Variants in AKIRIN2 observed in about 807,000 individuals in gnomAD.
AKIRIN2 encodes the protein akirin-2.
AKIRIN2 carries 6 observed loss-of-function variants against 29.3 expected under a neutral mutation model. The ratio of observed to expected loss-of-function variants is 0.20; its 90% CI spans 0.11 to 0.40. The LOEUF (loss-of-function observed/expected upper bound fraction) is 0.40. AKIRIN2 is among the 10% of genes least tolerant of loss of function. AKIRIN2 has a pLI of 1.00. For synonymous variants in AKIRIN2, 128 were observed against 117.5 expected (o/e 1.09, Z -0.58); for missense variants, 210 against 276.1 (o/e 0.76, Z 1.70).
At chr6:87,698,322 G>A (rs1379946671) in intron 1 of AKIRIN2, among the ~76,000 whole-genome samples, 3 of 149,992 alleles carry the variant, frequency 2.0e-5, no homozygotes, top group African/African-American at 7.4e-5. Flanking sequence ...GCAATATACT[G>A]TGTGTGACAA....
intron 1 of AKIRIN2, among the ~76,000 whole-genome samples, chr6:87,688,572 C>T (rs1771228385): frequency 6.6e-6 from 1 of 152,042 alleles, no homozygotes; most frequent in Admixed American, 6.6e-5. Context: ...ATGGAGAAAC[C>T]CCATCTCTAC....
chr6:87,677,985 A>G lies in AKIRIN2; in HGVS notation c.380-18T>C, dbSNP rs56230417. The G allele has an allele frequency of 6.9e-6, 11 of 1,600,414 alleles. No homozygotes were observed. The African/African-American group carries it at 1.1e-4, about 16-fold the overall frequency. ...TGAAGTCCCTATGTACAATGAGGAC[A>G]AAAAATAGCACCTGGTTTAGAGCCA... On this transcript the variant is annotated intron_variant, in intron 2 of 4. Transcript: ENST00000257787.
At chr6:87,699,438 ATAT>A (rs1771422883) in intron 1 of AKIRIN2, among the ~76,000 whole-genome samples, 1 of 23,800 alleles carries the variant, frequency 4.2e-5, no homozygotes, top group South Asian at 1.2e-3. Context: ...TTTTGCGATA[ATAT>A]TCAAATTAGT....
At chr6:87,676,584 G>A (rs1469708619) in intron 3 of AKIRIN2, among the ~76,000 whole-genome samples, 5 of 117,610 alleles carry the variant, frequency 4.3e-5, no homozygotes, top group South Asian at 2.6e-4. Flanking sequence ...GTGAAACCCC[G>A]TCTCTACTAA....
At chr6:87,692,237 A>T (rs972132642) in intron 1 of AKIRIN2, among the ~76,000 whole-genome samples, 2 of 152,216 alleles carry the variant, frequency 1.3e-5, no homozygotes, top group Non-Finnish European at 2.9e-5. Context: ...TGGTGAGTAA[A>T]AGTCCCATTT....
chr6:87,702,015 G>A lies in AKIRIN2; in HGVS notation c.-331C>T, dbSNP rs1349289149. ...CCGGCCGCCCCCGCCGTCCGCTCGAGCTTTGCGCCGCGCCTGAGGCGCTTC... is the reference window on the plus strand; with the variant it reads ...CCGGCCGCCCCCGCCGTCCGCTCGAACTTTGCGCCGCGCCTGAGGCGCTTC... On this transcript the variant is annotated 5_prime_UTR_variant, in exon 1 of 5. Coordinates refer to ENST00000257787, the MANE Select transcript of AKIRIN2 (RefSeq NM_018064.4). 2.5e-6 allele frequency: 1 copy of A among 404,274 alleles called. No homozygotes were observed. The highest frequency in any genetic ancestry group is 3.6e-5 in the East Asian group (1 of 28,066). 25.0% of individuals were successfully genotyped at this position (404,274 alleles called of 1,614,324 possible).
intron 1 of AKIRIN2, among the ~76,000 whole-genome samples, chr6:87,695,428 G>T (rs1263256381): frequency 6.6e-6 from 1 of 152,146 alleles, no homozygotes; most frequent in Non-Finnish European, 1.5e-5. Context: ...TAAGAACCTT[G>T]GGAAATGTCA....
chr6:87,684,477 A>G (rs1460958755), intron 1 of AKIRIN2, among the ~76,000 whole-genome samples: 3 of 152,178 alleles, frequency 2.0e-5, no homozygotes, highest in Non-Finnish European at 4.4e-5. Context: ...ACTATGATAA[A>G]TAACTTTTTA....
At position 87,683,164 on chromosome 6, in the gene AKIRIN2, A is replaced by T. The variant is rs116702356; in HGVS notation, c.236-1401T>A. Among the ~76,000 whole-genome samples the T allele has an allele frequency of 9.2e-3, 1,403 of 152,302 alleles. 21 individuals carry two copies. The highest frequency in any genetic ancestry group is 0.031 in the African/African-American group (1,308 of 41,566). ...TTTAAACTGAAAAAAAAGTGGCAAG[A>T]CATATCCAGTTAAAGATACCATTTA... On this transcript the variant is annotated intron_variant, in intron 1 of 4. Coordinates refer to ENST00000257787, the MANE Select transcript of AKIRIN2 (RefSeq NM_018064.4).
Position 87,702,100 on chromosome 6 carries a change from A to C in AKIRIN2, c.-416T>G, listed in dbSNP as rs1466641054. 2.5e-6 allele frequency: 1 copy of C among 399,052 alleles called. No individual in the cohort carries two copies. The highest frequency in any genetic ancestry group is 4.4e-6 in the Non-Finnish European group (1 of 226,246). The allele number at this position is 399,052 out of a possible 1,614,324, so 24.7% of individuals were successfully genotyped here. A position where few individuals can be genotyped will look rare whatever the true frequency, so the allele number is the denominator to read the frequency against. On this transcript the variant is annotated 5_prime_UTR_variant, in exon 1 of 5. Coordinates refer to ENST00000257787, the MANE Select transcript of AKIRIN2 (RefSeq NM_018064.4). ...CAGCACCGTGGGGTGTGAGGCTGGA[A>C]CGCGGCTCCTAATACGCCCGAGTAC...
intron 2 of AKIRIN2, among the ~76,000 whole-genome samples, chr6:87,678,390 T>C (rs952471380): frequency 2.0e-5 from 3 of 151,970 alleles, no homozygotes; most frequent in African/African-American, 7.2e-5. Context: ...TAATCCCAGC[T>C]ACTCGGGAGG....
intron 1 of AKIRIN2, among the ~76,000 whole-genome samples, chr6:87,683,471 G>A (rs1771146297): frequency 6.6e-6 from 1 of 152,076 alleles, no homozygotes; most frequent in African/African-American, 2.4e-5. Flanking sequence ...TAAATTATCA[G>A]TGTTGGCATG....
At chr6:87,680,005 A>T (rs72924341) in intron 2 of AKIRIN2, among the ~76,000 whole-genome samples, 25,359 of 152,156 alleles carry the variant, frequency 0.17, 2,207 homozygotes, top group African/African-American at 0.22. Context: ...CCACAATAAC[A>T]AAGCCCACCA....
intron 1 of AKIRIN2, among the ~76,000 whole-genome samples, chr6:87,696,841 T>A (rs139125962): frequency 0.033 from 4,740 of 143,682 alleles, 248 homozygotes; most frequent in African/African-American, 0.12. Flanking sequence ...CCCCATCTCT[T>A]CTAAAAATAC....
chr6:87,687,719 T>C (rs1311885530), intron 1 of AKIRIN2, among the ~76,000 whole-genome samples: 1 of 152,214 alleles, frequency 6.6e-6, no homozygotes, highest in East Asian at 1.9e-4. Flanking sequence ...ACTCTGCAGG[T>C]AAATGTAAGT....
intron 1 of AKIRIN2, among the ~76,000 whole-genome samples, chr6:87,692,163 A>G (rs1174477125): frequency 6.6e-6 from 1 of 152,170 alleles, no homozygotes; most frequent in African/African-American, 2.4e-5. Flanking sequence ...AACAATGAAA[A>G]AACTGTGATT....
chr6:87,689,493 A>C (rs1411842676), intron 1 of AKIRIN2, among the ~76,000 whole-genome samples: 1 of 152,134 alleles, frequency 6.6e-6, no homozygotes, highest in Admixed American at 6.5e-5. Flanking sequence ...AAAAAAGCAT[A>C]CCTGGAACCA....
chr6:87,693,786 G>A (rs1278889049), intron 1 of AKIRIN2, among the ~76,000 whole-genome samples: 1 of 151,098 alleles, frequency 6.6e-6, no homozygotes. Context: ...TTCCACACAT[G>A]TACAACTAAT....
intron 1 of AKIRIN2, among the ~76,000 whole-genome samples, chr6:87,687,387 A>C (rs530717388): frequency 7.0e-6 from 1 of 143,422 alleles, no homozygotes; most frequent in Admixed American, 7.8e-5. Context: ...TACTAAAAAT[A>C]CAAAATTAGC....
Sources: gnomAD v4.1 joint callset for allele counts (sites outside exome capture counted in the v4.1 genomes callset) on GRCh38, gnomAD v4.1.1 for gene constraint, MANE v1.5 for transcripts, NCBI Gene and HGNC (gene_info 2026-07-23, HGNC 2026-07-21) for gene names.